INSR: variants seen among roughly 807,000 people sequenced by gnomAD.
INSR encodes the protein insulin receptor.
In INSR, 67 loss-of-function variants were observed where a neutral mutation model predicts 142.6. The observed-to-expected ratio is 0.47, with a 90% CI of 0.39 to 0.58. The LOEUF is 0.58. Among genes scored for constraint, INSR ranks in the 20% least tolerant of loss-of-function variants. The pLI is 0.00. For synonymous variants in INSR, 756 were observed against 743.1 expected (o/e 1.02, Z -0.28); for missense variants, 1,248 against 1,833.2 (o/e 0.68, Z 5.83).
chr19:7,212,942 G>A (rs1390429988), intron 2 of INSR, among the ~76,000 whole-genome samples: 1 of 151,862 alleles, frequency 6.6e-6, no homozygotes, highest in Non-Finnish European at 1.5e-5. Context: ...CTCCAGCCCC[G>A]CCCCCTCAGT....
chr19:7,214,379 G>A (rs974727052), intron 2 of INSR, among the ~76,000 whole-genome samples: 9 of 152,160 alleles, frequency 5.9e-5, no homozygotes, highest in African/African-American at 2.2e-4. Flanking sequence ...AAGACAAGAC[G>A]GCTAGGCCGC....
At chr19:7,191,984 G>A (rs1974605430) in intron 2 of INSR, among the ~76,000 whole-genome samples, 3 of 148,314 alleles carry the variant, frequency 2.0e-5, no homozygotes, top group Non-Finnish European at 4.5e-5. Flanking sequence ...AGGAAGGAGG[G>A]AGGGAGGGGA....
intron 15 of INSR, among the ~76,000 whole-genome samples, chr19:7,126,913 C>T (rs943846765): frequency 4.6e-5 from 7 of 151,670 alleles, no homozygotes; most frequent in Admixed American, 2.0e-4. Context: ...TTTGTTTTTA[C>T]ATTTCAGAGT....
At chr19:7,282,846 G>A (rs965120032) in intron 1 of INSR, among the ~76,000 whole-genome samples, 25 of 151,546 alleles carry the variant, frequency 1.6e-4, no homozygotes, top group African/African-American at 5.3e-4. Flanking sequence ...AGTGGCGGGC[G>A]CCTGTAGTCC....
At chr19:7,248,934 T>C (rs10412476) in intron 2 of INSR, among the ~76,000 whole-genome samples, 108,604 of 151,522 alleles carry the variant, frequency 0.72, 40,255 homozygotes, top group South Asian at 0.83. Flanking sequence ...TAATTAAGTA[T>C]TTTTAGTAGA....
intron 2 of INSR, among the ~76,000 whole-genome samples, chr19:7,261,587 A>G (rs545244844): frequency 9.2e-5 from 14 of 151,762 alleles, no homozygotes; most frequent in African/African-American, 3.4e-4. Context: ...CTGGGGTGCA[A>G]TGGCACGATC....
intron 6 of INSR, among the ~76,000 whole-genome samples, chr19:7,170,325 A>T (rs1258697308): frequency 1.3e-5 from 2 of 151,808 alleles, no homozygotes; most frequent in African/African-American, 4.8e-5. Flanking sequence ...CAGGAACACA[A>T]GCTCAGGGTT....
At chr19:7,123,157 T>G in intron 17 of INSR, 168 bp from the exon 18 acceptor site, 2 of 615,638 alleles carry the variant, frequency 3.2e-6, no homozygotes, top group Admixed American at 2.8e-5. Flanking sequence ...AGCAGACAGA[T>G]AGGCCTTTGT....
Position 7,142,975 on chromosome 19 carries a change from G to C in INSR, c.2383C>G (p.His795Asp). 6.2e-7 allele frequency: 1 copy of C among 1,614,196 alleles called. No homozygotes were observed. The highest frequency in any genetic ancestry group is 8.5e-7 in the Non-Finnish European group (1 of 1,180,030). The part of the protein sequence containing the change: ...STSVPTSPEE[H>D]RPFEKVVNKE... ...TTCACCACCTTCTCAAAAGGCCTGT[G>C]CTCCTCCGGACTCGTGGGCACGCTG... The change falls in exon 12 of 22, where the codon CAC becomes GAC. Residue 795 changes from histidine to aspartate, a missense_variant. By Grantham distance (81) the His-to-Asp change is moderately conservative. This residue lies in a region of INSR where 1,069 missense variants were observed against 1,654.0 expected (regional missense o/e 0.65). Transcript: ENST00000302850.
intron 2 of INSR, among the ~76,000 whole-genome samples, chr19:7,261,688 G>A (rs961228129): frequency 7.9e-5 from 12 of 151,982 alleles, no homozygotes; most frequent in South Asian, 6.3e-4. Context: ...CCACCACCAC[G>A]CCTGGCTAAT....
At chr19:7,141,862 G>T (rs202188035) in intron 12 of INSR, 46 bp from the exon 13 acceptor site, 9 of 1,508,218 alleles carry the variant, frequency 6.0e-6, no homozygotes, top group Non-Finnish European at 7.4e-6. Context: ...TCTTGGATGA[G>T]ATCCCACTTC....
At chr19:7,276,689 C>A (rs1452835280) in intron 1 of INSR, among the ~76,000 whole-genome samples, 1 of 152,024 alleles carries the variant, frequency 6.6e-6, no homozygotes, top group Non-Finnish European at 1.5e-5. Flanking sequence ...ACATCTTCAA[C>A]CCCTCTGCAC....
At chr19:7,290,437 C>T (rs1185719734) in intron 1 of INSR, among the ~76,000 whole-genome samples, 3 of 151,814 alleles carry the variant, frequency 2.0e-5, no homozygotes, top group Admixed American at 6.6e-5. Flanking sequence ...GAGATAGATA[C>T]AAAAATCACA....
intron 13 of INSR, among the ~76,000 whole-genome samples, chr19:7,135,354 C>T (rs1276538253): frequency 9.8e-6 from 1 of 101,718 alleles, no homozygotes; most frequent in African/African-American, 3.8e-5. Flanking sequence ...TCGCTCTTGT[C>T]ACCCAGGCTG....
chr19:7,163,746 G>A (rs80342256), intron 8 of INSR, among the ~76,000 whole-genome samples: 2,408 of 151,558 alleles, frequency 0.016, 65 homozygotes, highest in African/African-American at 0.053. Flanking sequence ...GGATGAATGA[G>A]CGGGGATTAA....
chr19:7,207,929 GAA>G (rs1568486930), intron 2 of INSR, among the ~76,000 whole-genome samples: 171 of 121,804 alleles, frequency 1.4e-3, no homozygotes, highest in African/African-American at 5.1e-3. Flanking sequence ...AGGAAGGAAG[GAA>G]GGAAGGAAGG....
chr19:7,187,164 C>A (rs942680211), intron 2 of INSR, among the ~76,000 whole-genome samples: 1 of 151,912 alleles, frequency 6.6e-6, no homozygotes, highest in Non-Finnish European at 1.5e-5. Context: ...TCACTGCAAC[C>A]TCCACCTCCT....
intron 16 of INSR, among the ~76,000 whole-genome samples, chr19:7,126,194 G>A (rs762994308): frequency 6.6e-6 from 1 of 152,156 alleles, no homozygotes; most frequent in East Asian, 1.9e-4. Context: ...CCCACCTTGG[G>A]ACCACCCAGC....
At chr19:7,138,722 C>T (rs770797849) in intron 13 of INSR, among the ~76,000 whole-genome samples, 22 of 152,074 alleles carry the variant, frequency 1.4e-4, no homozygotes, top group Non-Finnish European at 2.6e-4. Context: ...ATGGATGCAC[C>T]GTCTTCCATG....
Sources: allele counts gnomAD v4.1 joint callset (sites outside exome capture counted in the v4.1 genomes callset), GRCh38; gene constraint gnomAD v4.1.1; regional missense constraint gnomAD v4.1.1; transcripts MANE v1.5; gene names NCBI Gene and HGNC (gene_info 2026-07-23, HGNC 2026-07-21).